The following MACROD2 variants were observed in gnomAD, a reference collection of about 807,000 sequenced individuals.
The protein encoded by MACROD2 is mono-ADP ribosylhydrolase 2.
MACROD2 carries 36 observed loss-of-function variants against 70.4 expected under a neutral mutation model. That is an observed-to-expected ratio of 0.51 (90% CI 0.39 to 0.68). The LOEUF (loss-of-function observed/expected upper bound fraction) is 0.68, where lower values mean the gene tolerates loss of function less well. Ranked by LOEUF, MACROD2 falls within the 30% of genes least tolerant of loss-of-function variation. The probability of loss-of-function intolerance (pLI) is 0.00; values close to 1 mark genes in which losing one functional copy is unlikely to be tolerated. For missense variants in MACROD2, 496 were observed against 538.4 expected (o/e 0.92, Z 0.78); for synonymous variants, 172 against 178.8 (o/e 0.96, Z 0.30).
intron 2 of MACROD2, chr20:14,053,543 A>G (rs1038788632): frequency 4.6e-5 from 7 of 152,160 alleles, no homozygotes; most frequent in East Asian, 1.9e-4. Flanking sequence ...ATGAAAATGT[A>G]TAGCATCTGC....
At chr20:15,696,150 C>G (rs964443892) in intron 8 of MACROD2, among the ~76,000 whole-genome samples, 3 of 152,138 alleles carry the variant, frequency 2.0e-5, no homozygotes, top group African/African-American at 7.2e-5. Flanking sequence ...TTCAACTTTT[C>G]CCCATTCAGT....
chr20:15,557,534 T>C (rs1158584816), intron 8 of MACROD2, among the ~76,000 whole-genome samples: 1 of 152,228 alleles, frequency 6.6e-6, no homozygotes. Flanking sequence ...AGCTTACCAT[T>C]GGCCCCTTGG....
chr20:15,344,702 C>T (rs771719676), intron 6 of MACROD2, among the ~76,000 whole-genome samples: 2 of 152,118 alleles, frequency 1.3e-5, no homozygotes, highest in Non-Finnish European at 2.9e-5. Flanking sequence ...TTTGCAGCCA[C>T]CATGGCCCTG....
At chr20:15,469,342 C>T (rs1271404318) in intron 7 of MACROD2, among the ~76,000 whole-genome samples, 1 of 152,120 alleles carries the variant, frequency 6.6e-6, no homozygotes, top group South Asian at 2.1e-4. Flanking sequence ...GAAGGTAGCA[C>T]AGGTGAGGGC....
intron 2 of MACROD2, among the ~76,000 whole-genome samples, chr20:14,083,453 A>G (rs1390503269): frequency 1.3e-5 from 2 of 151,978 alleles, no homozygotes; most frequent in Non-Finnish European, 2.9e-5. Flanking sequence ...GTGTTTGTTG[A>G]TCACTTACTA....
chr20:15,319,633 A>T (rs927656383), intron 6 of MACROD2, among the ~76,000 whole-genome samples: 1 of 152,216 alleles, frequency 6.6e-6, no homozygotes, highest in Non-Finnish European at 1.5e-5. Context: ...TAGAATTTTC[A>T]CTTCTAGGTA....
chr20:15,776,160 A>G (rs534718674), intron 8 of MACROD2, among the ~76,000 whole-genome samples: 3 of 152,256 alleles, frequency 2.0e-5, no homozygotes, highest in Admixed American at 1.3e-4. Flanking sequence ...TAGGACACAC[A>G]TGCCCAAGAA....
intron 5 of MACROD2, among the ~76,000 whole-genome samples, chr20:14,949,408 CA>C (rs929238956): frequency 1.3e-5 from 2 of 152,136 alleles, no homozygotes; most frequent in African/African-American, 4.8e-5. Context: ...TTCTCCCCTT[CA>C]GAGGCAGGGT....
At chr20:14,613,130 G>C (rs1983271994) in intron 4 of MACROD2, among the ~76,000 whole-genome samples, 1 of 151,978 alleles carries the variant, frequency 6.6e-6, no homozygotes, top group Non-Finnish European at 1.5e-5. Context: ...AAAAACAGGG[G>C]TATAGTGGAA....
intron 5 of MACROD2, chr20:14,904,838 A>G (rs1005690177): frequency 6.6e-6 from 1 of 152,222 alleles, no homozygotes; most frequent in Non-Finnish European, 1.5e-5. Flanking sequence ...TATTATGCAT[A>G]TTATATGTAT....
At chr20:15,473,176 G>T (rs1371196422) in intron 7 of MACROD2, among the ~76,000 whole-genome samples, 1 of 152,060 alleles carries the variant, frequency 6.6e-6, no homozygotes, top group Non-Finnish European at 1.5e-5. Flanking sequence ...AAAATAATAA[G>T]GCCTGGCCTT....
intron 3 of MACROD2, among the ~76,000 whole-genome samples, chr20:14,265,553 A>G (rs988157376): frequency 3.9e-5 from 6 of 152,010 alleles, no homozygotes; most frequent in African/African-American, 7.2e-5. Flanking sequence ...ACATTTTAAT[A>G]TTTGTGAAAT....
chr20:15,647,062 C>A (rs2049558999), intron 8 of MACROD2, among the ~76,000 whole-genome samples: 1 of 152,220 alleles, frequency 6.6e-6, no homozygotes, highest in Non-Finnish European at 1.5e-5. Context: ...TCACCCATTA[C>A]TTTTTCCACC....
chr20:14,288,052 A>G (rs2082358526), intron 3 of MACROD2, among the ~76,000 whole-genome samples: 1 of 152,002 alleles, frequency 6.6e-6, no homozygotes, highest in African/African-American at 2.4e-5. Context: ...CTTAAGAGGA[A>G]AGGATTATAC....
At chr20:14,801,783 C>G (rs1260125266) in intron 5 of MACROD2, among the ~76,000 whole-genome samples, 2 of 151,984 alleles carry the variant, frequency 1.3e-5, no homozygotes, top group African/African-American at 4.8e-5. Context: ...CTCTACTGTT[C>G]TATGAAAAAG....
intron 6 of MACROD2, among the ~76,000 whole-genome samples, chr20:15,424,521 T>C (rs943797147): frequency 2.0e-5 from 3 of 152,084 alleles, no homozygotes; most frequent in Non-Finnish European, 4.4e-5. Flanking sequence ...AGTTTGACAC[T>C]AGCCTGGGAA....
intron 12 of MACROD2, among the ~76,000 whole-genome samples, chr20:15,939,933 A>G (rs912824910): frequency 6.6e-6 from 1 of 152,198 alleles, no homozygotes; most frequent in African/African-American, 2.4e-5. Context: ...TAGAAATGTC[A>G]AGAGAACTAG....
intron 3 of MACROD2, among the ~76,000 whole-genome samples, chr20:14,155,245 G>A (rs1569182685): frequency 6.6e-6 from 1 of 152,080 alleles, no homozygotes; most frequent in East Asian, 1.9e-4. Context: ...ATATATAAAT[G>A]TATATTTGAA....
intron 8 of MACROD2, among the ~76,000 whole-genome samples, chr20:15,742,408 G>A (rs190565473): frequency 4.5e-4 from 68 of 152,150 alleles, no homozygotes; most frequent in Non-Finnish European, 9.0e-4. Flanking sequence ...TGGATGTTTC[G>A]AGAGAACTTA....
Sources: allele counts gnomAD v4.1 joint callset (sites outside exome capture counted in the v4.1 genomes callset), GRCh38; gene constraint gnomAD v4.1.1; transcripts MANE v1.5; gene names NCBI Gene and HGNC (gene_info 2026-07-23, HGNC 2026-07-21).